The following LINGO2 variants were observed in gnomAD, a reference collection of about 807,000 sequenced individuals.
LINGO2 encodes the protein leucine rich repeat and Ig domain containing 2.
Under a neutral mutation model 30.6 loss-of-function variants are expected in LINGO2, and 14 were observed. That is an observed-to-expected ratio of 0.46 (90% CI 0.30 to 0.72). The LOEUF (loss-of-function observed/expected upper bound fraction) is 0.72. Among genes scored for constraint, LINGO2 ranks in the 30% least tolerant of loss-of-function variants. The probability of loss-of-function intolerance (pLI) is 0.07; values close to 1 mark genes in which losing one functional copy is unlikely to be tolerated. For synonymous variants in LINGO2, 317 were observed against 288.5 expected, an observed-to-expected ratio of 1.10 and a Z score of -1.00; for missense variants, 729 against 751.7, an observed-to-expected ratio of 0.97 and a Z score of 0.35.
intron 4 of LINGO2, among the ~76,000 whole-genome samples, chr9:28,263,211 C>T (rs1469525848): frequency 6.6e-6 from 1 of 151,974 alleles, no homozygotes; most frequent in African/African-American, 2.4e-5. Flanking sequence ...AGGAAGGAGT[C>T]TCCTGCAACT....
At chr9:27,970,057 T>G (rs149531507) in intron 5 of LINGO2, among the ~76,000 whole-genome samples, 6 of 152,344 alleles carry the variant, frequency 3.9e-5, no homozygotes, top group Non-Finnish European at 8.8e-5. Flanking sequence ...TATTGCATGT[T>G]CTCAGCATGA....
chr9:27,961,475 GA>G (rs1359791860), intron 5 of LINGO2, among the ~76,000 whole-genome samples: 1 of 152,106 alleles, frequency 6.6e-6, no homozygotes, highest in African/African-American at 2.4e-5. Flanking sequence ...TGCAATTGGG[GA>G]CACAGTAGTT....
At chr9:28,689,113 T>C in the LINGO2 span, among the ~76,000 whole-genome samples, 1 of 152,218 alleles carries the variant, frequency 6.6e-6, no homozygotes, top group Admixed American at 6.5e-5. Context: ...TAGTCTGCTC[T>C]AGTCCTTTTC....
chr9:28,104,065 A>T (rs1826497573), intron 4 of LINGO2, among the ~76,000 whole-genome samples: 2 of 152,000 alleles, frequency 1.3e-5, no homozygotes, highest in African/African-American at 4.8e-5. Context: ...AAACTCCTAT[A>T]AAATAATTCT....
the LINGO2 span, among the ~76,000 whole-genome samples, chr9:28,861,607 T>C: frequency 6.6e-6 from 1 of 151,092 alleles, no homozygotes; most frequent in East Asian, 2.0e-4. Flanking sequence ...TAAAACAAAA[T>C]AAAATAAATT....
intron 1 of LINGO2, among the ~76,000 whole-genome samples, chr9:28,635,985 C>A (rs1827249320): frequency 6.6e-6 from 1 of 152,070 alleles, no homozygotes; most frequent in East Asian, 1.9e-4. Context: ...TCTCCCCACC[C>A]CACAACAGGC....
intron 4 of LINGO2, among the ~76,000 whole-genome samples, chr9:28,096,486 C>G (rs1826245951): frequency 6.6e-6 from 1 of 152,186 alleles, no homozygotes; most frequent in East Asian, 1.9e-4. Context: ...GTCACTTCTT[C>G]TCACAATTCC....
chr9:28,695,464 C>A, the LINGO2 span, among the ~76,000 whole-genome samples: 1 of 151,716 alleles, frequency 6.6e-6, no homozygotes, highest in Non-Finnish European at 1.5e-5. Context: ...AAAGGTTGTT[C>A]CACACAATTT....
intron 4 of LINGO2, among the ~76,000 whole-genome samples, chr9:28,259,077 T>A (rs1032660823): frequency 6.6e-6 from 1 of 152,012 alleles, no homozygotes; most frequent in African/African-American, 2.4e-5. Flanking sequence ...GCATGTGTGA[T>A]GCATAGCAGA....
At chr9:28,522,671 ATAAG>A (rs957262033) in intron 1 of LINGO2, among the ~76,000 whole-genome samples, 1 of 152,228 alleles carries the variant, frequency 6.6e-6, no homozygotes, top group Non-Finnish European at 1.5e-5. Flanking sequence ...TATGATAAGA[ATAAG>A]TAATGTGGGA....
At chr9:28,089,899 A>C (rs1826026169) in intron 4 of LINGO2, among the ~76,000 whole-genome samples, 1 of 152,244 alleles carries the variant, frequency 6.6e-6, no homozygotes, top group Non-Finnish European at 1.5e-5. Flanking sequence ...TCGATCCCAC[A>C]GAAATACAAA....
rs58629857 is a variant in LINGO2, at chr9:28,526,055, C to CAAAAAA, written c.-364-50036_-364-50031dup. ...TGGGTGACAGAGCGAGACTCCGTCT[C>CAAAAAA]AAAAAAAAAAAAAAAAAAAAAGCCA... On this transcript the variant is annotated intron_variant, in intron 1 of 5. Coordinates refer to ENST00000379992, the Ensembl canonical transcript of LINGO2. Among the ~76,000 whole-genome samples the CAAAAAA allele has an allele frequency of 7.3e-3, 356 of 48,498 alleles. 55 individuals are homozygous for CAAAAAA. Among genetic ancestry groups the CAAAAAA allele is most frequent in the African/African-American group, 0.014 (171 of 12,236 alleles). The allele number at this position is 48,498 out of a possible 152,430, so 31.8% of individuals were successfully genotyped here.
chr9:28,915,559 C>T, the LINGO2 span, among the ~76,000 whole-genome samples: 2 of 152,146 alleles, frequency 1.3e-5, no homozygotes, highest in African/African-American at 4.8e-5. Context: ...TCTGTTGGGC[C>T]TCACTTAACT....
In LINGO2 at chr9:28,464,851, T is replaced by C. The variant is rs145334619; in HGVS notation, c.-279+11089A>G. On this transcript the variant is annotated intron_variant, in intron 2 of 5. Transcript: ENST00000379992. Reference sequence around the variant, plus strand: ...CAAGCACAGGCAATCAAAACAAAAATAGACAAATGGAATAATATTGAGACA... The same window carrying C: ...CAAGCACAGGCAATCAAAACAAAAACAGACAAATGGAATAATATTGAGACA... Among the ~76,000 whole-genome samples the C allele has an allele frequency of 3.2e-3, 487 of 152,224 alleles. 4 individuals are homozygous for C. The highest frequency in any genetic ancestry group is 0.011 in the African/African-American group (450 of 41,548).
chr9:28,242,424 G>GA lies in LINGO2; in HGVS notation c.-87+52783dup, dbSNP rs1006554646. Among the ~76,000 whole-genome samples the GA allele has an allele frequency of 7.3e-5, 11 of 151,594 alleles. No individual in the cohort carries two copies. The East Asian group carries it at 1.2e-3, about 16-fold the overall frequency. ...TAAGGCAGGCAGACAAGATTAAAGA[G>GA]AAAAAAAATAAAAAGGAAAAACAAA... On this transcript the variant is annotated intron_variant, in intron 4 of 5. Coordinates refer to ENST00000379992, the Ensembl canonical transcript of LINGO2.
At chr9:29,192,508 C>T in the LINGO2 span, among the ~76,000 whole-genome samples, 2 of 152,030 alleles carry the variant, frequency 1.3e-5, no homozygotes, top group African/African-American at 4.8e-5. Context: ...TACAGAAACA[C>T]AACTAATCTC....
the LINGO2 span, among the ~76,000 whole-genome samples, chr9:28,760,312 T>C: frequency 4.6e-5 from 7 of 151,996 alleles, no homozygotes; most frequent in East Asian, 1.9e-4. Flanking sequence ...GTAATTTACA[T>C]TGAATGTGTT....
At chr9:28,145,273 T>C (rs1827782244) in intron 4 of LINGO2, among the ~76,000 whole-genome samples, 1 of 152,198 alleles carries the variant, frequency 6.6e-6, no homozygotes, top group Admixed American at 6.5e-5. Flanking sequence ...GGGGGTTGAA[T>C]ACAGTGATAC....
Position 28,104,771 on chromosome 9 carries a change from A to C in LINGO2, c.-86-92366T>G, listed in dbSNP as rs181556532. Among the ~76,000 whole-genome samples the C allele has an allele frequency of 1.4e-3, 213 of 152,246 alleles. 2 individuals are homozygous for C. Among genetic ancestry groups the C allele is most frequent in the African/African-American group, 5.0e-3 (209 of 41,552 alleles). ...ACACTGATGTGCTTTCTTCTTTGAT[A>C]ATGCCAGTCTTATCAATAATCATGC... On this transcript the variant is annotated intron_variant, in intron 4 of 5. Transcript: ENST00000379992.
Sources: gnomAD v4.1 joint callset for allele counts (sites outside exome capture counted in the v4.1 genomes callset) on GRCh38, gnomAD v4.1.1 for gene constraint, MANE v1.5 for transcripts, NCBI Gene and HGNC (gene_info 2026-07-23, HGNC 2026-07-21) for gene names.